KMO: variants seen among roughly 807,000 people sequenced by gnomAD.
The protein encoded by KMO is kynurenine 3-monooxygenase, also known as kynurenine 3-hydroxylase.
KMO carries 24 observed loss-of-function variants against 57.8 expected under a neutral mutation model. The observed-to-expected ratio is 0.42, with a 90% CI of 0.30 to 0.58. The LOEUF is 0.58. Among genes scored for constraint, KMO ranks in the 20% least tolerant of loss-of-function variants. The pLI, the probability that KMO is intolerant of heterozygous loss-of-function variation, is 0.22. For missense variants in KMO, 483 were observed against 588.2 expected (o/e 0.82, Z 1.85); for synonymous variants, 210 against 193.6 (o/e 1.08, Z -0.70).
intron 7 of KMO, among the ~76,000 whole-genome samples, chr1:241,563,753 A>C (rs772264378): frequency 6.6e-6 from 1 of 152,238 alleles, no homozygotes; most frequent in Non-Finnish European, 1.5e-5. Context: ...TTTTAAGAAC[A>C]TTGTTTAGGC....
intron 1 of KMO, among the ~76,000 whole-genome samples, chr1:241,535,721 C>G (rs1055067922): frequency 7.2e-5 from 11 of 151,892 alleles, no homozygotes; most frequent in African/African-American, 2.7e-4. Context: ...TTAGAAAGAC[C>G]CCTGTATTGA....
rs1002325251 is a variant in KMO at position 241,595,387 on chromosome 1, A to T, written c.*3234A>T. 2.6e-5 allele frequency: 4 copies of T among 152,254 alleles called. No homozygotes were observed. The highest frequency in any genetic ancestry group is 6.5e-5 in the Admixed American group (1 of 15,284). The allele number at this position is 152,254 out of a possible 1,614,324, so 9.4% of individuals were successfully genotyped here. A position where few individuals can be genotyped will look rare whatever the true frequency, so the allele number is the denominator to read the frequency against. On this transcript the variant is annotated 3_prime_UTR_variant, in exon 15 of 15. Coordinates refer to ENST00000366559, the MANE Select transcript of KMO (RefSeq NM_003679.5). ...TGGAAGGAACCTAGATTCCTAAATG[A>T]CTGCATAGGACAGATCCCATCTCCT...
At chr1:241,564,292 C>G (rs948673831) in intron 7 of KMO, among the ~76,000 whole-genome samples, 1 of 151,728 alleles carries the variant, frequency 6.6e-6, no homozygotes, top group Admixed American at 6.6e-5. Context: ...TATATAATAC[C>G]CCTGGGAACC....
At position 241,532,440 on chromosome 1, in the gene KMO, C is replaced by A. The variant is rs568914105; in HGVS notation, c.-5C>A. 1 of 1,611,544 alleles carries A rather than the reference C, an allele frequency of 6.2e-7. No homozygotes were observed. The highest frequency in any genetic ancestry group is 2.2e-5 in the East Asian group (1 of 44,760). On this transcript the variant is annotated 5_prime_UTR_variant, in exon 1 of 15. Coordinates refer to ENST00000366559, the MANE Select transcript of KMO (RefSeq NM_003679.5). ...ACAATAATTGTGAAAAATACTTCAG[C>A]AGTTATGGACTCATCTGTCATTCAA...
At chr1:241,569,416 T>A (rs967673466) in intron 10 of KMO, among the ~76,000 whole-genome samples, 2 of 152,118 alleles carry the variant, frequency 1.3e-5, no homozygotes, top group African/African-American at 4.8e-5. Flanking sequence ...ATGTGATAAT[T>A]TTCTTTATGT....
At chr1:241,587,620 T>C (rs935078582) in intron 11 of KMO, among the ~76,000 whole-genome samples, 1 of 152,146 alleles carries the variant, frequency 6.6e-6, no homozygotes, top group African/African-American at 2.4e-5. Context: ...ATTTTTGTAT[T>C]TTTAGTAGAG....
rs998375287 is a variant in KMO, at chr1:241,557,089, G to A, written c.361+1429G>A. Among the ~76,000 whole-genome samples the A allele has an allele frequency of 1.5e-3, 229 of 151,572 alleles. 5 individuals are homozygous for A. Among genetic ancestry groups the A allele is most frequent in the Non-Finnish European group, 2.9e-4 (20 of 67,876 alleles). On this transcript the variant is annotated intron_variant, in intron 5 of 14. Coordinates refer to ENST00000366559, the MANE Select transcript of KMO (RefSeq NM_003679.5). ...CATGATATTTGTAAGAGAACAAATCGAGAGATAGGGGATATAGAAAGTTGA... is the reference window on the plus strand; with the variant it reads ...CATGATATTTGTAAGAGAACAAATCAAGAGATAGGGGATATAGAAAGTTGA...
intron 10 of KMO, among the ~76,000 whole-genome samples, chr1:241,586,118 C>G (rs189699256): frequency 6.7e-6 from 1 of 149,298 alleles, no homozygotes; most frequent in Admixed American, 6.7e-5. Context: ...AAATCTTGGT[C>G]GAATTTCAGA....
Position 241,594,709 on chromosome 1 carries a change from A to G in KMO, c.*2556A>G, listed in dbSNP as rs1663445692. ...CTTCGAAACTGGGCAGAGAAAAAAT[A>G]AAGTGGAATATTAAGTAAAAGTTGG... On this transcript the variant is annotated 3_prime_UTR_variant, in exon 15 of 15. Coordinates refer to ENST00000366559, the MANE Select transcript of KMO (RefSeq NM_003679.5). The G allele has an allele frequency of 6.2e-7, 1 of 1,606,984 alleles. No homozygotes were observed. The highest frequency in any genetic ancestry group is 1.3e-5 in the African/African-American group (1 of 74,566).
intron 4 of KMO, among the ~76,000 whole-genome samples, chr1:241,551,623 T>C (rs1321809294): frequency 6.6e-6 from 1 of 152,232 alleles, no homozygotes; most frequent in African/African-American, 2.4e-5. Flanking sequence ...GGGGGAAATA[T>C]GTATTTGTAT....
chr1:241,568,437 A>G, intron 9 of KMO, 63 bp from the exon 10 acceptor site: 3 of 1,489,608 alleles, frequency 2.0e-6, no homozygotes, highest in Non-Finnish European at 2.8e-6. Flanking sequence ...TAAACCTGAA[A>G]GAATTTAGCA....
chr1:241,560,627 G>T, intron 5 of KMO, 38 bp from the exon 6 acceptor site: 1 of 1,367,960 alleles, frequency 7.3e-7, no homozygotes, highest in Non-Finnish European at 1.0e-6. Flanking sequence ...TAAGAATTGA[G>T]ATTTCATTTC....
chr1:241,532,391 C>G lies in KMO; in HGVS notation c.-54C>G. On this transcript the variant is annotated 5_prime_UTR_variant, in exon 1 of 15. It adds an upstream start codon to the 5' untranslated region. Transcript: ENST00000366559. ...ATCAGTGTGTAGGAGACACAGAAAT[C>G]AGTGTCACTCAGTGACAGAAGCAAC... 6.2e-7 allele frequency: 1 copy of G among 1,610,538 alleles called. No homozygotes were observed. Among genetic ancestry groups the G allele is most frequent in the East Asian group, 2.2e-5 (1 of 44,700 alleles).
At position 241,595,554 on chromosome 1, in the gene KMO, G is replaced by T. The variant is rs1297892156; in HGVS notation, c.*3401G>T. The T allele has an allele frequency of 1.3e-5, 2 of 152,180 alleles. No individual in the cohort carries two copies. Among genetic ancestry groups the T allele is most frequent in the Non-Finnish European group, 2.9e-5 (2 of 68,030 alleles). The allele number at this position is 152,180 out of a possible 1,614,324, so 9.4% of individuals were successfully genotyped here. On this transcript the variant is annotated 3_prime_UTR_variant, in exon 15 of 15. Coordinates refer to ENST00000366559, the MANE Select transcript of KMO (RefSeq NM_003679.5). ...ACATAAATCAAAAGTTAATGTAATT[G>T]TTATCCCATTATTTAGAGCGAAATA... is the stretch of plus-strand genomic sequence containing the variant.
At chr1:241,577,915 TC>T in intron 10 of KMO, among the ~76,000 whole-genome samples, 1 of 152,238 alleles carries the variant, frequency 6.6e-6, no homozygotes, top group African/African-American at 2.4e-5. Context: ...CCTTCTGGCC[TC>T]CCCTGCCAGG....
chr1:241,588,329 C>CTTTTTTTTTTTTT (rs57587351), intron 11 of KMO, among the ~76,000 whole-genome samples: 63 of 98,376 alleles, frequency 6.4e-4, no homozygotes, highest in Non-Finnish European at 7.3e-4. Context: ...TCTTTTTTTT[C>CTTTTTTTTTTTTT]TTTTTTTTTT....
At chr1:241,568,825 A>C (rs1488410457) in intron 10 of KMO, among the ~76,000 whole-genome samples, 178 bp downstream of exon 10, 4 of 152,130 alleles carry the variant, frequency 2.6e-5, no homozygotes, top group African/African-American at 9.7e-5. Context: ...ATTTGGTTTA[A>C]TCAATCCAGT....
intron 5 of KMO, 94 bp from the exon 6 acceptor site, chr1:241,560,571 T>C: frequency 1.1e-6 from 1 of 885,584 alleles, no homozygotes; most frequent in South Asian, 1.4e-5. Flanking sequence ...TTCTCTACCA[T>C]ACTGTTCCCA....
At chr1:241,532,546 T>C (rs748601342) in intron 1 of KMO, 48 bp downstream of exon 1, 10 of 1,329,336 alleles carry the variant, frequency 7.5e-6, no homozygotes, top group Non-Finnish European at 9.5e-6. Context: ...TTATATTAAC[T>C]ATTATTACTC....
Sources: gnomAD v4.1 joint callset for allele counts (sites outside exome capture counted in the v4.1 genomes callset) on GRCh38, gnomAD v4.1.1 for gene constraint, MANE v1.5 for transcripts, NCBI Gene and HGNC (gene_info 2026-07-23, HGNC 2026-07-21) for gene names.